Variants in EP300 observed in about 807,000 individuals in gnomAD.
EP300 encodes histone acetyltransferase p300.
In EP300, 31 loss-of-function variants were observed where a neutral mutation model predicts 264.0. That is an observed-to-expected ratio of 0.12 (90% CI 0.09 to 0.16). The LOEUF (loss-of-function observed/expected upper bound fraction) is 0.16. EP300 is among the 10% of genes least tolerant of loss of function. The pLI is 1.00. For missense variants in EP300, 2,766 were observed against 3,052.9 expected (o/e 0.91, Z 2.21); for synonymous variants, 1,340 against 1,045.4 (o/e 1.28, Z -5.44).
intron 18 of EP300, 90 bp downstream of exon 18, chr22:41,157,498 T>G: frequency 1.7e-6 from 2 of 1,146,182 alleles, no homozygotes. Flanking sequence ...ATCCTGCTTC[T>G]GGCTTTGACA....
At chr22:41,119,656 T>A (rs540344195) in intron 2 of EP300, among the ~76,000 whole-genome samples, 1 of 152,034 alleles carries the variant, frequency 6.6e-6, no homozygotes, top group Non-Finnish European at 1.5e-5. Flanking sequence ...TGACATCTGC[T>A]TGGGGGTGTG....
Position 41,149,999 on chromosome 22 carries a change from C to G in EP300, c.2618C>G (p.Pro873Arg), listed in dbSNP as rs2059034317. 6.2e-7 allele frequency: 1 copy of G among 1,613,986 alleles called. No homozygotes were observed. Among genetic ancestry groups the G allele is most frequent in the African/African-American group, 1.3e-5 (1 of 74,880 alleles). The change falls in exon 14 of 31, where the codon CCA (proline) becomes CGA (arginine). Residue 873 changes from proline (P) to arginine (R), a missense_variant. Pro to Arg is a moderately radical substitution (Grantham distance 103, BLOSUM62 -2). Coordinates refer to ENST00000263253, the MANE Select transcript of EP300 (RefSeq NM_001429.4). ...ACACCTCCTGCCATGCCACCTGGGC[C>G]ACAGTCCCAGGCTCTACATCCCCCT... ...VPTPPAMPPGPQSQALHPPPR... is the reference protein window; with the variant it reads ...VPTPPAMPPGRQSQALHPPPR...
In EP300 at chr22:41,149,654, C is replaced by T. The variant is rs1158960285; in HGVS notation, c.2380-107C>T. The T allele has an allele frequency of 2.6e-6, 3 of 1,175,350 alleles. No individual in the cohort carries two copies. The African/African-American group carries it at 4.5e-5, about 18-fold the overall frequency. 72.8% of individuals were successfully genotyped at this position (1,175,350 alleles called of 1,614,324 possible). On this transcript the variant is annotated intron_variant, in intron 13 of 30. Transcript: ENST00000263253. ...ACATTTTGAAATAGACACATTGCTA[C>T]TCTTTGTTTAATCAGTTTGTGTCCT... is the stretch of plus-strand genomic sequence containing the variant.
chr22:41,126,701 A>G (rs934913851), intron 3 of EP300, among the ~76,000 whole-genome samples: 2 of 134,750 alleles, frequency 1.5e-5, no homozygotes, highest in Admixed American at 8.0e-5. Context: ...TGAATGAAAC[A>G]TGTCATCTCT....
At chr22:41,137,598 T>G in intron 7 of EP300, 55 bp from the exon 8 acceptor site, 1 of 1,609,960 alleles carries the variant, frequency 6.2e-7, no homozygotes, top group Non-Finnish European at 8.5e-7. Context: ...TTGAATTAAA[T>G]GAGGTCTTCT....
chr22:41,168,166 C>T, intron 23 of EP300: 1 of 424,120 alleles, frequency 2.4e-6, no homozygotes, highest in Non-Finnish European at 4.4e-6. Context: ...GGAAATTTTT[C>T]AAAATGAGAA....
rs750721066 is a variant in EP300, at chr22:41,168,692, G to T, written c.4026-29G>T. ...GATTCCAGTCTGAATGAGTTATGTTGTGGTTCCCCCACCATCTCAATTGTA... is the reference window on the plus strand; with the variant it reads ...GATTCCAGTCTGAATGAGTTATGTTTTGGTTCCCCCACCATCTCAATTGTA... On this transcript the variant is annotated intron_variant, in intron 24 of 30. Transcript: ENST00000263253. 1.9e-6 allele frequency: 3 copies of T among 1,614,200 alleles called. No individual in the cohort carries two copies. In the South Asian group the frequency reaches 3.3e-5, roughly 18 times the overall value.
rs1268242094 is a variant in EP300, at chr22:41,179,595, C to T, written c.*639C>T. ...CAACTTTTGTGCTCCAGAAAATTTT[C>T]TATTCTGTAAGTCTGAGCGTAAAAC... On this transcript the variant is annotated 3_prime_UTR_variant, in exon 31 of 31. Coordinates refer to ENST00000263253, the MANE Select transcript of EP300 (RefSeq NM_001429.4). 3.4e-5 allele frequency: 7 copies of T among 205,410 alleles called. No homozygotes were observed. Among genetic ancestry groups the T allele is most frequent in the Admixed American group, 6.1e-5 (1 of 16,458 alleles). The allele number at this position is 205,410 out of a possible 1,614,324, so 12.7% of individuals were successfully genotyped here.
chr22:41,137,744 C>T lies in EP300; in HGVS notation c.1714C>T (p.His572Tyr). Residue 572 changes from histidine to tyrosine, a missense_variant, in exon 8 of 31, where the codon CAC (histidine) becomes TAC (tyrosine). By Grantham distance (83) the His-to-Tyr change is moderately conservative. Coordinates refer to ENST00000263253, the MANE Select transcript of EP300 (RefSeq NM_001429.4). ...CACTACTGGAATTCGGAAACAGTGG[C>T]ACGAAGATATTACTCAGGATCTTCG... is the stretch of plus-strand genomic sequence containing the variant. ...PSTTGIRKQW[H>Y]EDITQDLRNH... 6.2e-7 allele frequency: 1 copy of T among 1,614,192 alleles called. No homozygotes were observed. Among genetic ancestry groups the T allele is most frequent in the South Asian group, 1.1e-5 (1 of 91,086 alleles).
chr22:41,129,809 T>A (rs1242020766), intron 4 of EP300, 81 bp from the exon 5 acceptor site: 2 of 1,023,694 alleles, frequency 2.0e-6, no homozygotes, highest in African/African-American at 1.6e-5. Flanking sequence ...TTATGTTACT[T>A]ATTAAGTGGT....
chr22:41,113,625 C>T (rs2058805841), intron 1 of EP300, among the ~76,000 whole-genome samples: 1 of 152,206 alleles, frequency 6.6e-6, no homozygotes, highest in South Asian at 2.1e-4. Flanking sequence ...CGGCTCACTG[C>T]AAACTCTGTC....
At chr22:41,173,596 T>C in intron 28 of EP300, 27 bp from the exon 29 acceptor site, 1 of 1,613,378 alleles carries the variant, frequency 6.2e-7, no homozygotes, top group Non-Finnish European at 8.5e-7. Flanking sequence ...AACCTTATTT[T>C]CTTGTCTCCT....
intron 21 of EP300, among the ~76,000 whole-genome samples, chr22:41,163,488 A>G (rs1601628850): frequency 6.8e-6 from 1 of 146,980 alleles, no homozygotes; most frequent in African/African-American, 2.5e-5. Context: ...AGTGGCCCAC[A>G]TCTGTAATCC....
At position 41,149,979 on chromosome 22, in the gene EP300, T is replaced by A. The variant is rs1601619708; in HGVS notation, c.2598T>A (p.Pro866=). Residue 866 remains proline, a synonymous_variant, in exon 14 of 31, where the codon CCT becomes CCA. Coordinates refer to ENST00000263253, the MANE Select transcript of EP300 (RefSeq NM_001429.4). The part of the protein sequence containing the change: ...ATTIPAPVPT[P]PAMPPGPQSQ... ...CAATTCCAGCCCCTGTTCCTACACC[T>A]CCTGCCATGCCACCTGGGCCACAGT... 1 of 1,611,112 alleles carries A rather than the reference T, an allele frequency of 6.2e-7. No individual in the cohort carries two copies. Among genetic ancestry groups the A allele is most frequent in the Non-Finnish European group, 8.5e-7 (1 of 1,179,504 alleles).
chr22:41,146,958 G>T, intron 11 of EP300, 142 bp downstream of exon 11: 1 of 761,712 alleles, frequency 1.3e-6, no homozygotes, highest in Non-Finnish European at 2.2e-6. Context: ...TGAAGAGCAG[G>T]TTGGCTGGCA....
chr22:41,121,587 A>T (rs1369125830), intron 2 of EP300, among the ~76,000 whole-genome samples: 1 of 152,168 alleles, frequency 6.6e-6, no homozygotes, highest in Admixed American at 6.5e-5. Context: ...CTGTGTATTT[A>T]AACCCATAGT....
Position 41,178,201 on chromosome 22 carries a change from C to A in EP300, c.6490C>A (p.Gln2164Lys). The change falls in exon 31 of 31, where the codon CAG (glutamine) becomes AAG (lysine). Residue 2164 changes from glutamine (Q) to lysine (K), a missense_variant. Transcript: ENST00000263253. ...GCCACCCATGGGAGGGATGAGCCCC[C>A]AGGCTCAGCAGATGAACATGAACCA... ...LQPPMGGMSP[Q>K]AQQMNMNHNT... is the part of the protein sequence containing the mutation. 6.2e-7 allele frequency: 1 copy of A among 1,614,176 alleles called. No homozygotes were observed. The highest frequency in any genetic ancestry group is 8.5e-7 in the Non-Finnish European group (1 of 1,180,036).
intron 17 of EP300, 143 bp from the exon 18 acceptor site, chr22:41,157,026 G>A: frequency 2.2e-6 from 2 of 918,292 alleles, no homozygotes; most frequent in South Asian, 3.1e-5. Flanking sequence ...AAGAAGTGAT[G>A]GACATCAGTC....
intron 2 of EP300, among the ~76,000 whole-genome samples, chr22:41,125,223 A>T (rs2058874604): frequency 7.1e-6 from 1 of 140,218 alleles, no homozygotes; most frequent in Non-Finnish European, 1.5e-5. Flanking sequence ...GGTTCACTCC[A>T]TTCTCCTGCC....
Sources: gnomAD v4.1 joint callset for allele counts (sites outside exome capture counted in the v4.1 genomes callset) on GRCh38, gnomAD v4.1.1 for gene constraint, MANE v1.5 for transcripts, NCBI Gene and HGNC (gene_info 2026-07-23, HGNC 2026-07-21) for gene names.